CFAP300: variants seen among roughly 807,000 people sequenced by gnomAD.
The protein encoded by CFAP300 is cilia- and flagella-associated protein 300.
CFAP300 carries 32 observed loss-of-function variants against 33.0 expected under a neutral mutation model. That is an observed-to-expected ratio of 0.97 (90% CI 0.73 to 1.30). The LOEUF (loss-of-function observed/expected upper bound fraction) is 1.30, where lower values mean the gene tolerates loss of function less well. Ranked by LOEUF, CFAP300 falls within the 50% of genes most tolerant of loss-of-function variation. CFAP300 has a pLI of 0.00. For missense variants in CFAP300, 356 were observed against 318.1 expected (o/e 1.12, Z -0.90); for synonymous variants, 102 against 106.8 (o/e 0.95, Z 0.28).
chr11:102,055,873 G>A (rs774756391), intron 2 of CFAP300, among the ~76,000 whole-genome samples: 7 of 150,670 alleles, frequency 4.6e-5, no homozygotes, highest in Non-Finnish European at 7.4e-5. Context: ...GTTTCACCGT[G>A]TTAGTCAGGA....
At chr11:102,073,329 T>G (rs1047344468) in intron 4 of CFAP300, among the ~76,000 whole-genome samples, 9 of 152,176 alleles carry the variant, frequency 5.9e-5, no homozygotes, top group Non-Finnish European at 1.3e-4. Context: ...GGGTTCCAGC[T>G]GCTATGGTGG....
chr11:102,061,019 T>A (rs192158568), intron 3 of CFAP300, among the ~76,000 whole-genome samples: 4 of 152,344 alleles, frequency 2.6e-5, no homozygotes, highest in African/African-American at 9.6e-5. Context: ...AGTCAATCTA[T>A]TTGAAAAAAT....
intron 5 of CFAP300, among the ~76,000 whole-genome samples, chr11:102,078,292 T>C (rs1260403922): frequency 6.6e-6 from 1 of 152,172 alleles, no homozygotes; most frequent in South Asian, 2.1e-4. Context: ...TAATCGCAAA[T>C]GACATTGACA....
intron 6 of CFAP300, 88 bp downstream of exon 6, chr11:102,081,369 T>C: frequency 2.9e-6 from 3 of 1,020,870 alleles, no homozygotes; most frequent in Non-Finnish European, 4.5e-6. Flanking sequence ...ATCAGGACAA[T>C]GTTATGCCTA....
intron 2 of CFAP300, among the ~76,000 whole-genome samples, chr11:102,048,523 T>A (rs1047660411): frequency 1.3e-5 from 2 of 152,226 alleles, no homozygotes; most frequent in Non-Finnish European, 1.5e-5. Context: ...CATCTCATTT[T>A]AAAATATTTT....
At position 102,047,818 on chromosome 11, in the gene CFAP300, C is replaced by T; in HGVS notation, c.114C>T (p.Ser38=). The change falls in exon 2 of 7, where the codon TCC becomes TCT. Residue 38 remains serine, a synonymous_variant. Coordinates refer to ENST00000434758, the MANE Select transcript of CFAP300 (RefSeq NM_032930.3). ...KEITSRLRQW[S]MLGRIKAQAF... is the part of the protein sequence containing the mutation. ...TCTTTTTCCTCCTCTGCCCCAGGTC[C>T]ATGCTGGGCAGAATCAAGGCGCAGG... 2 of 1,614,074 alleles carry T rather than the reference C, an allele frequency of 1.2e-6. No homozygotes were observed. Among genetic ancestry groups the T allele is most frequent in the South Asian group, 1.1e-5 (1 of 91,060 alleles).
At chr11:102,061,891 C>CATCACT (rs1942154355) in intron 3 of CFAP300, among the ~76,000 whole-genome samples, 1 of 152,184 alleles carries the variant, frequency 6.6e-6, no homozygotes, top group Non-Finnish European at 1.5e-5. Flanking sequence ...TGATGCATTA[C>CATCACT]ATGTCTTATA....
Position 102,058,916 on chromosome 11 carries a change from A to G in CFAP300, c.229A>G (p.Lys77Glu). 6.3e-7 allele frequency: 1 copy of G among 1,588,656 alleles called. No individual in the cohort carries two copies. The highest frequency in any genetic ancestry group is 1.2e-5 in the South Asian group (1 of 84,482). The change falls in exon 3 of 7, where the codon AAG (lysine) becomes GAG (glutamate). Residue 77 changes from lysine (K) to glutamate (E), a missense_variant. By Grantham distance (56) the Lys-to-Glu change is moderately conservative. Coordinates refer to ENST00000434758, the MANE Select transcript of CFAP300 (RefSeq NM_032930.3). ...AGACCCAAATGTTATTCCCAATTTG[A>G]AGTTACTTTCAGATTCTTCTGGACA... ...FKDPNVIPNL[K>E]LLSDSSGQWI...
At chr11:102,063,575 C>A (rs557239491) in intron 3 of CFAP300, among the ~76,000 whole-genome samples, 30 of 152,308 alleles carry the variant, frequency 2.0e-4, no homozygotes, top group Admixed American at 1.6e-3. Context: ...CCCCTGTAAT[C>A]CCAACACTTC....
At position 102,083,219 on chromosome 11, in the gene CFAP300, C is replaced by A. The variant is rs762213928; in HGVS notation, c.*20C>A. 2 of 1,435,468 alleles carry A rather than the reference C, an allele frequency of 1.4e-6. No individual in the cohort carries two copies. The highest frequency in any genetic ancestry group is 1.9e-6 in the Non-Finnish European group (2 of 1,078,130). The allele number at this position is 1,435,468 out of a possible 1,614,324, so 88.9% of individuals were successfully genotyped here. On this transcript the variant is annotated 3_prime_UTR_variant, in exon 7 of 7. Coordinates refer to ENST00000434758, the MANE Select transcript of CFAP300 (RefSeq NM_032930.3). Reference sequence around the variant, plus strand: ...TCTTAATGTTCTTTCAGATTATGTACCTCTACTATTTTGTATTTATCATTT... The same window carrying A: ...TCTTAATGTTCTTTCAGATTATGTAACTCTACTATTTTGTATTTATCATTT...
intron 3 of CFAP300, among the ~76,000 whole-genome samples, chr11:102,063,547 G>T (rs1274390421): frequency 6.6e-6 from 1 of 152,202 alleles, no homozygotes; most frequent in Admixed American, 6.5e-5. Flanking sequence ...AATTTTGGGA[G>T]CAGGACAAGG....
At position 102,047,841 on chromosome 11, in the gene CFAP300, A is replaced by C. The variant is rs1307321156; in HGVS notation, c.137A>C (p.Gln46Pro). 1 of 1,614,078 alleles carries C rather than the reference A, an allele frequency of 6.2e-7. No homozygotes were observed. Among genetic ancestry groups the C allele is most frequent in the African/African-American group, 1.3e-5 (1 of 74,928 alleles). ...QWSMLGRIKAQAFGFDQTFQS... is the reference protein window; with the variant it reads ...QWSMLGRIKAPAFGFDQTFQS... ...TCCATGCTGGGCAGAATCAAGGCGC[A>C]GGCGTTCGGCTTTGACCAGACCTTT... Residue 46 changes from glutamine to proline, a missense_variant, in exon 2 of 7, where the codon CAG becomes CCG. Physicochemically the swap from Gln to Pro is moderately conservative, Grantham distance 76 (BLOSUM62 -1). Transcript: ENST00000434758.
chr11:102,056,748 C>T lies in CFAP300; in HGVS notation c.193-2132C>T, dbSNP rs533080664. ...AAGCAATTCTCATTCCTCAGCCTCCCGGGTAGCTGGAATTACAGGAGTGTG... is the reference window on the plus strand; with the variant it reads ...AAGCAATTCTCATTCCTCAGCCTCCTGGGTAGCTGGAATTACAGGAGTGTG... On this transcript the variant is annotated intron_variant, in intron 2 of 6. Coordinates refer to ENST00000434758, the MANE Select transcript of CFAP300 (RefSeq NM_032930.3). Among the ~76,000 whole-genome samples the T allele has an allele frequency of 8.4e-4, 128 of 152,066 alleles. 2 individuals are homozygous for T. The South Asian group carries it at 0.026, about 30-fold the overall frequency.
chr11:102,055,976 AC>A (rs1942051384), intron 2 of CFAP300, among the ~76,000 whole-genome samples: 1 of 151,856 alleles, frequency 6.6e-6, no homozygotes, highest in African/African-American at 2.4e-5. Context: ...GCCCTAAACT[AC>A]CCTTTTTTAA....
intron 2 of CFAP300, 40 bp downstream of exon 2, chr11:102,047,936 A>C (rs1941909395): frequency 6.3e-7 from 1 of 1,592,452 alleles, no homozygotes; most frequent in Non-Finnish European, 8.6e-7. Flanking sequence ...GTCTCTGCGG[A>C]TTTTTAAACT....
chr11:102,077,821 C>T (rs1257923735), intron 5 of CFAP300, among the ~76,000 whole-genome samples: 2 of 152,016 alleles, frequency 1.3e-5, no homozygotes, highest in Non-Finnish European at 2.9e-5. Flanking sequence ...GTGATCTGCC[C>T]GCCTCAGCCT....
intron 5 of CFAP300, among the ~76,000 whole-genome samples, chr11:102,079,041 A>G (rs1423564440): frequency 6.6e-6 from 1 of 152,196 alleles, no homozygotes; most frequent in Non-Finnish European, 1.5e-5. Context: ...TATATGTGTT[A>G]AGTGATTGTT....
intron 4 of CFAP300, among the ~76,000 whole-genome samples, chr11:102,073,297 C>A (rs553476873): frequency 2.0e-5 from 3 of 152,144 alleles, no homozygotes; most frequent in Non-Finnish European, 1.5e-5. Context: ...AATCCCCAGG[C>A]CCCCAGGGAG....
chr11:102,082,946 G>T, intron 6 of CFAP300, 125 bp from the exon 7 acceptor site: 2 of 314,754 alleles, frequency 6.4e-6, no homozygotes, highest in Non-Finnish European at 9.7e-6. Context: ...GCAGTGAGCC[G>T]AGATCGCGCC....
Sources: allele counts gnomAD v4.1 joint callset (sites outside exome capture counted in the v4.1 genomes callset), GRCh38; gene constraint gnomAD v4.1.1; transcripts MANE v1.5; gene names NCBI Gene and HGNC (gene_info 2026-07-23, HGNC 2026-07-21).